Variants in MET observed in about 807,000 individuals in gnomAD.
MET encodes the protein MET proto-oncogene, receptor tyrosine kinase, also known as hepatocyte growth factor receptor.
In MET, 48 loss-of-function variants were observed where a neutral mutation model predicts 133.1. The observed-to-expected ratio is 0.36, with a 90% CI of 0.29 to 0.46. The LOEUF (loss-of-function observed/expected upper bound fraction) is 0.46, where lower values mean the gene tolerates loss of function less well. Among genes scored for constraint, MET ranks in the 20% least tolerant of loss-of-function variants. The pLI, the probability that MET is intolerant of heterozygous loss-of-function variation, is 1.00. For missense variants in MET, 1,442 were observed against 1,695.9 expected (o/e 0.85, Z 2.63); for synonymous variants, 628 against 616.5 (o/e 1.02, Z -0.28).
chr7:116,722,677 G>C (rs1322059884), intron 2 of MET, among the ~76,000 whole-genome samples: 1 of 138,700 alleles, frequency 7.2e-6, no homozygotes, highest in South Asian at 2.4e-4. Context: ...GGCAGGCCTG[G>C]TGGTGACAAA....
Position 116,782,086 on chromosome 7 carries a change from A to C in MET, c.3621A>C (p.Ala1207=), listed in dbSNP as rs747811080. The C allele has an allele frequency of 6.2e-7, 1 of 1,609,432 alleles. No homozygotes were observed. The highest frequency in any genetic ancestry group is 1.3e-5 in the African/African-American group (1 of 74,854). The change falls in exon 18 of 21, where the codon GCA becomes GCC. Residue 1207 remains alanine, a synonymous_variant. Coordinates refer to ENST00000397752, the MANE Select transcript of MET (RefSeq NM_000245.4). Reference sequence around the variant, plus strand: ...AGTTTGTCCACAGAGACTTGGCTGCAAGAAACTGTATGTAAGTATCAGAAT... The same window carrying C: ...AGTTTGTCCACAGAGACTTGGCTGCCAGAAACTGTATGTAAGTATCAGAAT... ...SKKFVHRDLA[A]RNCMLDEKFT...
chr7:116,713,444 C>T (rs567366255), intron 2 of MET, among the ~76,000 whole-genome samples: 1 of 151,460 alleles, frequency 6.6e-6, no homozygotes, highest in Admixed American at 6.5e-5. Context: ...TCTTTATCAA[C>T]ACCATCCTTC....
chr7:116,691,173 C>T (rs1020314429), intron 1 of MET, among the ~76,000 whole-genome samples: 7 of 152,086 alleles, frequency 4.6e-5, no homozygotes, highest in African/African-American at 1.7e-4. Flanking sequence ...AAATATTTTC[C>T]AGTTTCTATA....
At chr7:116,700,354 G>C (rs879027402) in intron 2 of MET, 70 bp downstream of exon 2, 1 of 1,517,570 alleles carries the variant, frequency 6.6e-7, no homozygotes, top group Non-Finnish European at 8.8e-7. Flanking sequence ...GTCTCAAAAA[G>C]AATATCCAGG....
At chr7:116,693,875 C>A (rs1796863824) in intron 1 of MET, among the ~76,000 whole-genome samples, 1 of 152,206 alleles carries the variant, frequency 6.6e-6, no homozygotes, top group Non-Finnish European at 1.5e-5. Context: ...AGGCAGTGTT[C>A]TTAGTGATTT....
chr7:116,774,202 GC>G (rs1232582516), intron 14 of MET, among the ~76,000 whole-genome samples: 1 of 152,100 alleles, frequency 6.6e-6, no homozygotes, highest in Non-Finnish European at 1.5e-5. Flanking sequence ...TTCTTACAGA[GC>G]TTTGGTTATA....
intron 1 of MET, among the ~76,000 whole-genome samples, chr7:116,693,492 GTGACT>G (rs1249279188): frequency 6.6e-6 from 1 of 152,174 alleles, no homozygotes; most frequent in Non-Finnish European, 1.5e-5. Context: ...GAGGAGTTGG[GTGACT>G]TGCCTGGGTC....
intron 14 of MET, among the ~76,000 whole-genome samples, chr7:116,774,315 A>G (rs1304607970): frequency 6.6e-6 from 1 of 152,254 alleles, no homozygotes; most frequent in Non-Finnish European, 1.5e-5. Flanking sequence ...TCTAAACAAC[A>G]GTAACACTAA....
intron 19 of MET, among the ~76,000 whole-genome samples, chr7:116,790,701 C>T (rs1795461198): frequency 6.6e-6 from 1 of 152,132 alleles, no homozygotes; most frequent in South Asian, 2.1e-4. Flanking sequence ...TTTTCCACAG[C>T]AGAGTAGTTC....
chr7:116,773,022 A>G (rs1794882592), intron 14 of MET, among the ~76,000 whole-genome samples: 1 of 152,122 alleles, frequency 6.6e-6, no homozygotes, highest in South Asian at 2.1e-4. Context: ...TTTTATATGC[A>G]CATTTCATAG....
chr7:116,699,838 G>A lies in MET; in HGVS notation c.754G>A (p.Ala252Thr), dbSNP rs2116596984. 1 of 1,614,104 alleles carries A rather than the reference G, an allele frequency of 6.2e-7. No individual in the cohort carries two copies. The highest frequency in any genetic ancestry group is 1.1e-5 in the South Asian group (1 of 91,088). The change falls in exon 2 of 21, where the codon GCC becomes ACC. Residue 252 changes from alanine (A) to threonine (T), a missense_variant. By Grantham distance (58) the Ala-to-Thr change is moderately conservative (BLOSUM62 0). Coordinates refer to ENST00000397752, the MANE Select transcript of MET (RefSeq NM_000245.4). ...TTCTTACCCCATTAAGTATGTCCAT[G>A]CCTTTGAAAGCAACAATTTTATTTA... ...RDSYPIKYVH[A>T]FESNNFIYFL...
At position 116,775,112 on chromosome 7, in the gene MET, G is replaced by A. The variant is rs1425389056; in HGVS notation, c.3259+1G>A. On this transcript the variant is annotated splice_donor_variant, in intron 15 of 20. Coordinates refer to ENST00000397752, the MANE Select transcript of MET (RefSeq NM_000245.4). LOFTEE classifies it high-confidence loss of function. The stretch of plus-strand genomic sequence containing the variant: ...CATTTCAATGAAGTCATAGGAAGAG[G>A]TAAGTATTTCCACTCAGCTTTTTGT... The A allele has an allele frequency of 1.2e-6, 2 of 1,613,896 alleles. No homozygotes were observed. The highest frequency in any genetic ancestry group is 1.1e-5 in the South Asian group (1 of 91,086).
chr7:116,701,950 A>C lies in MET; in HGVS notation c.1200+1666A>C, dbSNP rs562311983. ...AAAAAGAAGGGTAGGGCAAGAAAAA[A>C]ATTAAAAAGAGAATTCATAAAGGTA... On this transcript the variant is annotated intron_variant, in intron 2 of 20. Transcript: ENST00000397752. Among the ~76,000 whole-genome samples the C allele has an allele frequency of 3.9e-5, 6 of 152,260 alleles. No individual in the cohort carries two copies. In the South Asian group the frequency reaches 1.2e-3, roughly 32 times the overall value.
At chr7:116,708,273 A>G (rs1050474893) in intron 2 of MET, among the ~76,000 whole-genome samples, 2 of 152,192 alleles carry the variant, frequency 1.3e-5, no homozygotes, top group Non-Finnish European at 2.9e-5. Context: ...GGTGAAAGCT[A>G]ACCTTTATAT....
chr7:116,712,239 T>C (rs1792028995), intron 2 of MET, among the ~76,000 whole-genome samples: 1 of 152,192 alleles, frequency 6.6e-6, no homozygotes, highest in South Asian at 2.1e-4. Flanking sequence ...TGCTGGCATT[T>C]TCCTTCCCCA....
rs1218936621 is a variant in MET at position 116,798,121 on chromosome 7, G to C, written c.*1997G>C. ...GGTCAAGAGCATGAACGCATCAATAGAAAGAACTCGGGGAAACATCCCATC... is the reference window on the plus strand; with the variant it reads ...GGTCAAGAGCATGAACGCATCAATACAAAGAACTCGGGGAAACATCCCATC... On this transcript the variant is annotated 3_prime_UTR_variant, in exon 21 of 21. Coordinates refer to ENST00000397752, the MANE Select transcript of MET (RefSeq NM_000245.4). The C allele has an allele frequency of 9.1e-6, 2 of 220,266 alleles. No homozygotes were observed. Among genetic ancestry groups the C allele is most frequent in the African/African-American group, 4.5e-5 (2 of 44,574 alleles). 13.6% of individuals were successfully genotyped at this position (220,266 alleles called of 1,614,324 possible). A position where few individuals can be genotyped will look rare whatever the true frequency, so the allele number is the denominator to read the frequency against.
intron 19 of MET, among the ~76,000 whole-genome samples, chr7:116,787,107 G>A (rs1282168364): frequency 1.3e-5 from 2 of 152,186 alleles, no homozygotes; most frequent in East Asian, 3.8e-4. Flanking sequence ...CATGAGATTG[G>A]TAAGAGAAAG....
intron 2 of MET, among the ~76,000 whole-genome samples, chr7:116,708,575 GAATT>G (rs985277397): frequency 7.9e-5 from 12 of 152,234 alleles, no homozygotes; most frequent in African/African-American, 2.9e-4. Flanking sequence ...ATTTCTAAAT[GAATT>G]AAGTTACTTT....
At chr7:116,737,598 A>C (rs1007913995) in intron 3 of MET, among the ~76,000 whole-genome samples, 4 of 152,166 alleles carry the variant, frequency 2.6e-5, no homozygotes, top group Non-Finnish European at 5.9e-5. Flanking sequence ...TTTAAGGAAA[A>C]TAATAGTACC....
Sources: allele counts gnomAD v4.1 joint callset (sites outside exome capture counted in the v4.1 genomes callset), GRCh38; gene constraint gnomAD v4.1.1; transcripts MANE v1.5; gene names NCBI Gene and HGNC (gene_info 2026-07-23, HGNC 2026-07-21).